GPSM1: variants seen among roughly 807,000 people sequenced by gnomAD.
GPSM1 encodes G protein signaling modulator 1.
GPSM1 carries 48 observed loss-of-function variants against 70.5 expected under a neutral mutation model. That is an observed-to-expected ratio of 0.68 (90% CI 0.54 to 0.87). The LOEUF is 0.87. Ranked by LOEUF, GPSM1 falls within the 40% of genes least tolerant of loss-of-function variation. The pLI is 0.00. For missense variants in GPSM1, 981 were observed against 972.6 expected, an observed-to-expected ratio of 1.01 and a Z score of -0.11; for synonymous variants, 416 against 430.1, an observed-to-expected ratio of 0.97 and a Z score of 0.41.
rs781801816 is a variant in GPSM1 at position 136,334,543 on chromosome 9, G to A, written c.165G>A (p.Val55=). 1.3e-5 allele frequency: 21 copies of A among 1,613,360 alleles called. No individual in the cohort carries two copies. Among genetic ancestry groups the A allele is most frequent in the Non-Finnish European group, 1.8e-5 (21 of 1,179,926 alleles). The change falls in exon 2 of 14, where the codon GTG becomes GTA. Residue 55 remains valine (V), a synonymous_variant. Transcript: ENST00000440944. Reference sequence around the variant, plus strand: ...GCGTGGCCTTCTTTGAGGCTGCTGTGCAGGTGGGCACCGAGGACCTGAAGA... The same window carrying A: ...GCGTGGCCTTCTTTGAGGCTGCTGTACAGGTGGGCACCGAGGACCTGAAGA... ...KTGVAFFEAA[V]QVGTEDLKTL...
chr9:136,338,808 C>A, intron 7 of GPSM1, 98 bp downstream of exon 7: 2 of 1,215,630 alleles, frequency 1.6e-6, no homozygotes, highest in Non-Finnish European at 1.1e-6. Context: ...CCCTGCTCTG[C>A]CACTGACCAT....
intron 11 of GPSM1, among the ~76,000 whole-genome samples, chr9:136,351,773 C>T (rs373148276): frequency 8.5e-5 from 13 of 152,258 alleles, no homozygotes; most frequent in African/African-American, 2.7e-4. Context: ...CCCAGACAAA[C>T]GGGGTTCCCA....
chr9:136,328,797 G>T (rs1322945488), intron 1 of GPSM1, among the ~76,000 whole-genome samples: 1 of 152,198 alleles, frequency 6.6e-6, no homozygotes, highest in African/African-American at 2.4e-5. Flanking sequence ...TGGGCCCCAC[G>T]CAGGGGAGGG....
Position 136,349,743 on chromosome 9 carries a change from CG to C in GPSM1, c.1438del (p.Val480CysfsTer23). 1 of 1,581,246 alleles carries C rather than the reference CG, an allele frequency of 6.3e-7. No individual in the cohort carries two copies. The highest frequency in any genetic ancestry group is 1.2e-5 in the South Asian group (1 of 86,440). ...SHSPLDSADV[R>X]VHVPRTSIPR... The stretch of plus-strand genomic sequence containing the variant: ...CTCCCCGCTGGACAGCGCCGACGTC[CG>C]GGTGCACGTGCCACGCACGGTAGGC... On this transcript the variant is annotated frameshift_variant, in exon 11 of 14. Transcript: ENST00000440944. LOFTEE classifies it high-confidence loss of function.
intron 1 of GPSM1, among the ~76,000 whole-genome samples, chr9:136,330,422 C>T (rs543473871): frequency 1.3e-5 from 2 of 152,148 alleles, no homozygotes; most frequent in South Asian, 2.1e-4. Flanking sequence ...CCTGGTGGGT[C>T]GCTGGGCAGC....
At chr9:136,330,719 C>A (rs963638204) in intron 1 of GPSM1, among the ~76,000 whole-genome samples, 35 of 152,180 alleles carry the variant, frequency 2.3e-4, no homozygotes, top group African/African-American at 7.7e-4. Context: ...GGTGCCAATT[C>A]TGTTAGCAGG....
chr9:136,357,573 G>C (rs528019390), intron 13 of GPSM1, among the ~76,000 whole-genome samples: 1 of 152,236 alleles, frequency 6.6e-6, no homozygotes, highest in Admixed American at 6.5e-5. Context: ...GCCACACTTC[G>C]GGCTCTGGAA....
intron 5 of GPSM1, 134 bp from the exon 6 acceptor site, chr9:136,337,712 C>A: frequency 2.0e-6 from 2 of 977,760 alleles, no homozygotes. Flanking sequence ...TGCACTTGGT[C>A]CTGCAGCTGC....
chr9:136,353,430 C>A (rs1832724890), intron 11 of GPSM1, among the ~76,000 whole-genome samples: 2 of 152,102 alleles, frequency 1.3e-5, no homozygotes, highest in African/African-American at 4.8e-5. Flanking sequence ...GACATAAATG[C>A]AGGGGAAGGT....
chr9:136,354,425 G>A (rs560261694), intron 11 of GPSM1, among the ~76,000 whole-genome samples: 7 of 152,210 alleles, frequency 4.6e-5, no homozygotes, highest in Non-Finnish European at 8.8e-5. Context: ...CAGGTATTGG[G>A]AATTCCAGGC....
At chr9:136,350,134 C>T (rs1832624735) in intron 11 of GPSM1, among the ~76,000 whole-genome samples, 1 of 152,210 alleles carries the variant, frequency 6.6e-6, no homozygotes, top group African/African-American at 2.4e-5. Context: ...TGACTCCAGC[C>T]CCCACCCTCC....
At chr9:136,348,820 C>A in intron 10 of GPSM1, 53 bp downstream of exon 10, 1 of 1,412,478 alleles carries the variant, frequency 7.1e-7, no homozygotes, top group Non-Finnish European at 9.9e-7. Flanking sequence ...AGAGCATGGG[C>A]AGCGGGGTTA....
chr9:136,341,456 CCGT>C lies in GPSM1; in HGVS notation c.1207+464_1207+466del. On this transcript the variant is annotated intron_variant, in intron 9 of 13. Transcript: ENST00000440944. The surrounding 1 kb of genome is among the most constrained non-coding windows in gnomAD (Gnocchi z 6.7). ...CAAGGCCCAAGGCCATGCGAGGCCACCGTGGTGACCTCATTCATGGACCGCTGG... is the reference window on the plus strand; with the variant it reads ...CAAGGCCCAAGGCCATGCGAGGCCACGGTGACCTCATTCATGGACCGCTGG... 1.2e-5 allele frequency: 16 copies of C among 1,351,456 alleles called. No homozygotes were observed. Among genetic ancestry groups the C allele is most frequent in the Non-Finnish European group, 1.5e-5 (16 of 1,054,386 alleles). The allele number at this position is 1,351,456 out of a possible 1,614,324, so 83.7% of individuals were successfully genotyped here.
chr9:136,334,609 C>T lies in GPSM1; in HGVS notation c.231C>T (p.Phe77=), dbSNP rs1051537567. The T allele has an allele frequency of 2.5e-6, 4 of 1,613,176 alleles. No homozygotes were observed. The African/African-American group carries it at 5.3e-5, about 22-fold the overall frequency. Reference sequence around the variant, plus strand: ...ACAGCCAGCTGGGCAACGCCTACTTCTACCTGAAGGAGCACGGCCGGGCGC... The same window carrying T: ...ACAGCCAGCTGGGCAACGCCTACTTTTACCTGAAGGAGCACGGCCGGGCGC... ...AIYSQLGNAY[F]YLKEHGRALE... is the part of the protein sequence containing the mutation. Residue 77 remains phenylalanine (F), a synonymous_variant, in exon 2 of 14, where the codon TTC becomes TTT. Coordinates refer to ENST00000440944, the MANE Select transcript of GPSM1 (RefSeq NM_001145638.3).
At chr9:136,334,759 G>T (rs1167391208) in intron 2 of GPSM1, 91 bp downstream of exon 2, 3 of 1,047,752 alleles carry the variant, frequency 2.9e-6, no homozygotes, top group Non-Finnish European at 2.8e-6. Flanking sequence ...GAGTGGGGCG[G>T]CCCTGCTGGC....
rs530669357 is a variant in GPSM1, at chr9:136,331,616, G to A, written c.69-2831G>A. 6.6e-5 allele frequency among the ~76,000 whole-genome samples: 10 copies of A among 152,304 alleles called. No homozygotes were observed. The South Asian group carries it at 8.3e-4, about 13-fold the overall frequency. On this transcript the variant is annotated intron_variant, in intron 1 of 13. Transcript: ENST00000440944. ...CTTTCCATTCACAAACGTGCCTGGC[G>A]CTCCCGAGTGAGCCCGGTCCTGGGG...
chr9:136,340,914 G>T lies in GPSM1; in HGVS notation c.1128G>T (p.Ala376=), dbSNP rs782694099. The change falls in exon 9 of 14, where the codon GCG becomes GCT. Residue 376 remains alanine (A), a synonymous_variant. Coordinates refer to ENST00000440944, the MANE Select transcript of GPSM1 (RefSeq NM_001145638.3). The surrounding 1 kb of genome is among the most constrained non-coding windows in gnomAD (Gnocchi z 7.3). The stretch of plus-strand genomic sequence containing the variant: ...AGCTCACGGCCCGCATGAACGTGGC[G>T]CAGCTGCAGCTGGTGCTCGGCCGCC... The part of the protein sequence containing the change: ...HGELTARMNV[A]QLQLVLGRLT... 1 of 1,573,202 alleles carries T rather than the reference G, an allele frequency of 6.4e-7. No individual in the cohort carries two copies. Among genetic ancestry groups the T allele is most frequent in the East Asian group, 2.3e-5 (1 of 42,578 alleles).
At chr9:136,339,226 T>C (rs1588695344) in intron 7 of GPSM1, among the ~76,000 whole-genome samples, 1 of 152,238 alleles carries the variant, frequency 6.6e-6, no homozygotes, top group South Asian at 2.1e-4. Context: ...TTGCACAGCA[T>C]GAATGTACAA....
rs559392583 is a variant in GPSM1, at chr9:136,340,266, G to A, written c.1083+451G>A. 3.3e-5 allele frequency among the ~76,000 whole-genome samples: 5 copies of A among 152,306 alleles called. No homozygotes were observed. In the South Asian group the frequency reaches 1.0e-3, roughly 32 times the overall value. On this transcript the variant is annotated intron_variant, in intron 8 of 13. Transcript: ENST00000440944. The surrounding 1 kb of genome is among the most constrained non-coding windows in gnomAD (Gnocchi z 7.3). ...CCATAGACCCATGTAGGAGGTGGCC[G>A]GGTGGGGAGGCCTGCAGGTGCCCAG...
Sources: gnomAD v4.1 joint callset for allele counts (sites outside exome capture counted in the v4.1 genomes callset) on GRCh38, gnomAD v4.1.1 for gene constraint, Gnocchi (gnomAD v3.1) non-coding constraint, MANE v1.5 for transcripts, NCBI Gene and HGNC (gene_info 2026-07-23, HGNC 2026-07-21) for gene names.